Variants in SLX9 observed in about 807,000 individuals in gnomAD.
SLX9 encodes SLX9 ribosome biogenesis factor.
In SLX9, 19 loss-of-function variants were observed where a neutral mutation model predicts 20.8. The ratio of observed to expected loss-of-function variants is 0.91; its 90% CI spans 0.64 to 1.34. The LOEUF (loss-of-function observed/expected upper bound fraction) is 1.34, where lower values mean the gene tolerates loss of function less well. Ranked by LOEUF, SLX9 falls within the 40% of genes most tolerant of loss-of-function variation. The pLI, the probability that SLX9 is intolerant of heterozygous loss-of-function variation, is 0.00. For missense variants in SLX9, 299 were observed against 322.2 expected (o/e 0.93, Z 0.55); for synonymous variants, 113 against 137.1 (o/e 0.82, Z 1.23).
chr21:44,944,795 C>T (rs1171093165), intron 2 of SLX9, among the ~76,000 whole-genome samples: 1 of 152,218 alleles, frequency 6.6e-6, no homozygotes, highest in African/African-American at 2.4e-5. Context: ...CCGTTAAGAT[C>T]GTGGGCTCTG....
intron 4 of SLX9, among the ~76,000 whole-genome samples, chr21:44,971,070 C>G (rs60209536): frequency 2.0e-5 from 1 of 48,886 alleles, no homozygotes; most frequent in African/African-American, 5.3e-5. Context: ...CCCCCATGCT[C>G]TGGACCTCCA....
At chr21:44,963,478 A>C (rs2084982747) in intron 3 of SLX9, among the ~76,000 whole-genome samples, 2 of 151,802 alleles carry the variant, frequency 1.3e-5, no homozygotes, top group South Asian at 4.1e-4. Flanking sequence ...CTATTTAAGA[A>C]AACTTTGCCT....
At chr21:44,970,599 T>G (rs1480521970) in intron 4 of SLX9, among the ~76,000 whole-genome samples, 1 of 152,158 alleles carries the variant, frequency 6.6e-6, no homozygotes, top group African/African-American at 2.4e-5. Context: ...GCGGGCCGTG[T>G]CTCTGGGAAC....
intron 4 of SLX9, among the ~76,000 whole-genome samples, chr21:44,969,553 G>A (rs1487931139): frequency 1.3e-5 from 2 of 152,268 alleles, no homozygotes; most frequent in Non-Finnish European, 2.9e-5. Context: ...AGGCAGCAGT[G>A]CCTCCTGACC....
At chr21:44,950,703 T>A (rs2084741460) in intron 2 of SLX9, among the ~76,000 whole-genome samples, 1 of 152,256 alleles carries the variant, frequency 6.6e-6, no homozygotes, top group African/African-American at 2.4e-5. Flanking sequence ...GGTGCCATGC[T>A]GAGGCATTTG....
chr21:44,957,672 G>T (rs1303537799), intron 2 of SLX9, among the ~76,000 whole-genome samples: 1 of 152,236 alleles, frequency 6.6e-6, no homozygotes, highest in Non-Finnish European at 1.5e-5. Flanking sequence ...GTGTGAGGGG[G>T]AGTGGATGGC....
Position 44,969,014 on chromosome 21 carries a change from A to G in SLX9, c.500+1833A>G, listed in dbSNP as rs1384037250. On this transcript the variant is annotated intron_variant, in intron 4 of 5. Transcript: ENST00000291634. Reference sequence around the variant, plus strand: ...GTGATCCAGCCGCCTCGGCCTCCCAAAGTGCTGGGATTACAGGCGTGAGCC... The same window carrying G: ...GTGATCCAGCCGCCTCGGCCTCCCAGAGTGCTGGGATTACAGGCGTGAGCC... 7 of 378,900 alleles carry G rather than the reference A, an allele frequency of 1.8e-5. No individual in the cohort carries two copies. In the East Asian group the frequency reaches 3.9e-4, roughly 21 times the overall value. The allele number at this position is 378,900 out of a possible 1,614,324, so 23.5% of individuals were successfully genotyped here.
intron 2 of SLX9, among the ~76,000 whole-genome samples, chr21:44,952,668 C>T (rs2084780486): frequency 6.6e-6 from 1 of 152,222 alleles, no homozygotes; most frequent in South Asian, 2.1e-4. Flanking sequence ...TGTGTGGCCC[C>T]ACGGGACCCT....
chr21:44,943,905 G>A (rs1335893201), intron 2 of SLX9, 68 bp downstream of exon 2: 8 of 1,600,370 alleles, frequency 5.0e-6, no homozygotes, highest in South Asian at 4.5e-5. Flanking sequence ...TCAGGCACCC[G>A]AGGTCTCAGC....
At chr21:44,959,977 A>T in intron 2 of SLX9, 123 bp from the exon 3 acceptor site, 1 of 834,428 alleles carries the variant, frequency 1.2e-6, no homozygotes, top group Non-Finnish European at 2.0e-6. Context: ...AGAGGCTGGC[A>T]CAGGCCAGAC....
At chr21:44,951,482 C>A (rs2084755916) in intron 2 of SLX9, among the ~76,000 whole-genome samples, 1 of 152,152 alleles carries the variant, frequency 6.6e-6, no homozygotes, top group Non-Finnish European at 1.5e-5. Context: ...ACGGCCGCGT[C>A]TTTGCCCACC....
At chr21:44,965,036 A>G (rs1403261041) in intron 3 of SLX9, among the ~76,000 whole-genome samples, 1 of 152,154 alleles carries the variant, frequency 6.6e-6, no homozygotes, top group Non-Finnish European at 1.5e-5. Context: ...CTGTTATTTT[A>G]TAATTTGCTT....
At chr21:44,976,367 G>T (rs1418284501) in intron 5 of SLX9, among the ~76,000 whole-genome samples, 2 of 152,216 alleles carry the variant, frequency 1.3e-5, no homozygotes, top group Non-Finnish European at 2.9e-5. Context: ...GAGTGAGTCT[G>T]CAGGGCTTGG....
chr21:44,968,138 C>T (rs563795762), intron 4 of SLX9, among the ~76,000 whole-genome samples: 1 of 152,158 alleles, frequency 6.6e-6, no homozygotes, highest in South Asian at 2.1e-4. Context: ...CGAGCATGAG[C>T]CCTCCTCCTG....
At chr21:44,953,407 C>G (rs988026410) in intron 2 of SLX9, among the ~76,000 whole-genome samples, 1 of 152,180 alleles carries the variant, frequency 6.6e-6, no homozygotes, top group African/African-American at 2.4e-5. Flanking sequence ...CAGGACGCCT[C>G]TAGGTGAGCA....
At chr21:44,976,007 AC>A (rs2085254330) in intron 5 of SLX9, among the ~76,000 whole-genome samples, 1 of 152,246 alleles carries the variant, frequency 6.6e-6, no homozygotes, top group African/African-American at 2.4e-5. Flanking sequence ...CCTCCCCGCC[AC>A]CAGGCTCAGG....
At chr21:44,954,396 G>C (rs550546764) in intron 2 of SLX9, among the ~76,000 whole-genome samples, 13 of 152,184 alleles carry the variant, frequency 8.5e-5, no homozygotes, top group African/African-American at 2.6e-4. Flanking sequence ...ACCTTCTCTC[G>C]GGAGGAATGT....
chr21:44,941,030 A>T (rs1464718150), intron 1 of SLX9, among the ~76,000 whole-genome samples: 1 of 121,650 alleles, frequency 8.2e-6, no homozygotes, highest in East Asian at 2.2e-4. Context: ...TTCCAGTGAA[A>T]TTTTCATTTT....
intron 4 of SLX9, 89 bp from the exon 5 acceptor site, chr21:44,973,108 C>T: frequency 6.8e-7 from 1 of 1,463,116 alleles, no homozygotes; most frequent in Admixed American, 1.7e-5. Context: ...ACGACGTCTG[C>T]TCTAAGAAGG....
Sources: gnomAD v4.1 joint callset for allele counts (sites outside exome capture counted in the v4.1 genomes callset) on GRCh38, gnomAD v4.1.1 for gene constraint, MANE v1.5 for transcripts, NCBI Gene and HGNC (gene_info 2026-07-23, HGNC 2026-07-21) for gene names.